The following UEVLD variants were observed in gnomAD, a reference collection of about 807,000 sequenced individuals.
The protein encoded by UEVLD is ubiquitin-conjugating enzyme E2 variant 3.
In UEVLD, 47 loss-of-function variants were observed where a neutral mutation model predicts 58.6. That is an observed-to-expected ratio of 0.80 (90% CI 0.63 to 1.02). The LOEUF is 1.02. UEVLD is among the 50% of genes least tolerant of loss of function. The pLI is 0.00. For missense variants in UEVLD, 510 were observed against 550.6 expected, an observed-to-expected ratio of 0.93 and a Z score of 0.74; for synonymous variants, 197 against 195.3, an observed-to-expected ratio of 1.01 and a Z score of -0.07.
intron 7 of UEVLD, among the ~76,000 whole-genome samples, chr11:18,551,659 C>T (rs1482628803): frequency 6.6e-6 from 1 of 152,180 alleles, no homozygotes; most frequent in Non-Finnish European, 1.5e-5. Flanking sequence ...TAGACATTAG[C>T]ATAATGCTAA....
intron 7 of UEVLD, among the ~76,000 whole-genome samples, chr11:18,554,570 G>T: frequency 6.6e-6 from 1 of 151,070 alleles, no homozygotes. Flanking sequence ...CTAATTTTTT[G>T]TAGTTTTAGT....
chr11:18,534,567 G>A (rs953008500), intron 10 of UEVLD, 114 bp from the exon 11 acceptor site: 49 of 1,101,420 alleles, frequency 4.4e-5, no homozygotes, highest in Middle Eastern at 5.1e-4. Flanking sequence ...GAGTTATGCA[G>A]CAATTGTTAG....
chr11:18,563,579 T>C (rs72878882), intron 6 of UEVLD: 17,375 of 742,166 alleles, frequency 0.023, 238 homozygotes, highest in Non-Finnish European at 0.026. Flanking sequence ...CAACAGAACA[T>C]GACCCTGTCT....
chr11:18,582,805 A>G (rs1853313878), intron 1 of UEVLD, among the ~76,000 whole-genome samples: 1 of 152,264 alleles, frequency 6.6e-6, no homozygotes, highest in African/African-American at 2.4e-5. Context: ...AAAGTGGTCC[A>G]AGACATTCTA....
intron 4 of UEVLD, among the ~76,000 whole-genome samples, chr11:18,568,445 A>G (rs553272503): frequency 3.3e-5 from 5 of 152,352 alleles, no homozygotes; most frequent in African/African-American, 7.2e-5. Context: ...CAATTCAAAA[A>G]GGAAGAAACG....
intron 10 of UEVLD, 45 bp from the exon 11 acceptor site, chr11:18,534,498 C>T (rs1850706860): frequency 2.0e-6 from 3 of 1,538,014 alleles, no homozygotes; most frequent in African/African-American, 2.9e-5. Flanking sequence ...ATAAAATATG[C>T]ACATTTAGTT....
chr11:18,562,585 G>A (rs1037924502), intron 6 of UEVLD, among the ~76,000 whole-genome samples: 4 of 150,600 alleles, frequency 2.7e-5, no homozygotes, highest in African/African-American at 4.9e-5. Context: ...TGGGGATCTC[G>A]CTGTGTCGCC....
chr11:18,582,406 T>C (rs749306905), intron 1 of UEVLD, among the ~76,000 whole-genome samples: 261 of 84,822 alleles, frequency 3.1e-3, no homozygotes, highest in Non-Finnish European at 4.3e-3. Context: ...AAATATTAGC[T>C]TTTTTTTTTT....
chr11:18,562,509 T>C (rs1852089206), intron 6 of UEVLD, among the ~76,000 whole-genome samples: 1 of 150,616 alleles, frequency 6.6e-6, no homozygotes, highest in Non-Finnish European at 1.5e-5. Flanking sequence ...GCTACTGCAC[T>C]CCAGCCTGGG....
intron 6 of UEVLD, among the ~76,000 whole-genome samples, chr11:18,559,654 A>G (rs998053875): frequency 2.0e-5 from 3 of 152,104 alleles, no homozygotes; most frequent in African/African-American, 7.3e-5. Context: ...TCTAGTAGAA[A>G]AGTTAAAAAA....
chr11:18,547,097 T>A lies in UEVLD; in HGVS notation c.716-47A>T, dbSNP rs543933331. On this transcript the variant is annotated intron_variant, in intron 7 of 11. Transcript: ENST00000396197. ...TCTGAGCTGAAGATACAGGCTTTAA[T>A]CAAGTTCTAGTTCACGATTAAAAGG... The A allele has an allele frequency of 1.8e-5, 29 of 1,569,334 alleles. No individual in the cohort carries two copies. The South Asian group carries it at 3.2e-4, about 17-fold the overall frequency.
intron 5 of UEVLD, among the ~76,000 whole-genome samples, chr11:18,565,425 A>G (rs1242508002): frequency 6.6e-6 from 1 of 152,232 alleles, no homozygotes; most frequent in East Asian, 1.9e-4. Flanking sequence ...ATATTGAATA[A>G]GCCAACAAGC....
At chr11:18,542,563 T>C (rs189384088) in intron 9 of UEVLD, among the ~76,000 whole-genome samples, 1 of 152,244 alleles carries the variant, frequency 6.6e-6, no homozygotes, top group African/African-American at 2.4e-5. Context: ...CCAGTGCAGA[T>C]TTTTACAGAT....
intron 6 of UEVLD, among the ~76,000 whole-genome samples, 167 bp downstream of exon 6, chr11:18,564,725 A>G (rs543016480): frequency 1.3e-5 from 2 of 152,342 alleles, no homozygotes; most frequent in South Asian, 4.1e-4. Context: ...AAAAGGCAAC[A>G]TCACTGATGA....
At chr11:18,547,574 A>C (rs1202112400) in intron 7 of UEVLD, among the ~76,000 whole-genome samples, 1 of 152,184 alleles carries the variant, frequency 6.6e-6, no homozygotes, top group Non-Finnish European at 1.5e-5. Flanking sequence ...AATAGTAATA[A>C]TCAAAATAAA....
intron 8 of UEVLD, among the ~76,000 whole-genome samples, 153 bp from the exon 9 acceptor site, chr11:18,544,949 T>C (rs1010153194): frequency 6.7e-6 from 1 of 149,610 alleles, no homozygotes; most frequent in African/African-American, 2.4e-5. Flanking sequence ...TATATACATA[T>C]ATATACTATA....
At chr11:18,573,482 C>T (rs1852736213) in intron 3 of UEVLD, among the ~76,000 whole-genome samples, 1 of 152,112 alleles carries the variant, frequency 6.6e-6, no homozygotes, top group South Asian at 2.1e-4. Context: ...GAGTAAAATT[C>T]TCTACACAGC....
chr11:18,547,429 G>T (rs752237625), intron 7 of UEVLD, among the ~76,000 whole-genome samples: 11 of 152,266 alleles, frequency 7.2e-5, no homozygotes, highest in Admixed American at 3.3e-4. Context: ...GGAGGCTGAG[G>T]CAGAGATTCA....
Position 18,564,880 on chromosome 11 carries a change from A to AT in UEVLD, c.612+11dup, listed in dbSNP as rs769474080. On this transcript the variant is annotated intron_variant, in intron 6 of 11. Transcript: ENST00000396197. ...TATGATAGATGTATTTATAACCACT[A>AT]TGTTTACATACCTTTGCTGAAATTG... The AT allele has an allele frequency of 6.3e-7, 1 of 1,580,748 alleles. No individual in the cohort carries two copies. Among genetic ancestry groups the AT allele is most frequent in the Non-Finnish European group, 8.7e-7 (1 of 1,150,736 alleles).
Sources: allele counts gnomAD v4.1 joint callset (sites outside exome capture counted in the v4.1 genomes callset), GRCh38; gene constraint gnomAD v4.1.1; transcripts MANE v1.5; gene names NCBI Gene and HGNC (gene_info 2026-07-23, HGNC 2026-07-21).